Variants in SIRT4 observed in about 807,000 individuals in gnomAD.
The protein encoded by SIRT4 is sirtuin 4.
Under a neutral mutation model 26.1 loss-of-function variants are expected in SIRT4, and 23 were observed. That is an observed-to-expected ratio of 0.88 (90% CI 0.63 to 1.25). The LOEUF (loss-of-function observed/expected upper bound fraction) is 1.25, where lower values mean the gene tolerates loss of function less well. Ranked by LOEUF, SIRT4 falls within the 50% of genes most tolerant of loss-of-function variation. The pLI is 0.00. For missense variants in SIRT4, 361 were observed against 405.4 expected (o/e 0.89, Z 0.94); for synonymous variants, 155 against 158.4 (o/e 0.98, Z 0.16).
In SIRT4 at chr12:120,312,661, G is replaced by A. The variant is rs78686785; in HGVS notation, c.703G>A (p.Gly235Arg). The stretch of plus-strand genomic sequence containing the variant: ...TCTGAAACCAGATGTCGTTTTCTTC[G>A]GGGACACAGTGAACCCTGACAAGGT... ...GHLKPDVVFFGDTVNPDKVDF... is the reference protein window; with the variant it reads ...GHLKPDVVFFRDTVNPDKVDF... The change falls in exon 3 of 4, where the codon GGG (glycine) becomes AGG (arginine). Residue 235 changes from glycine (G) to arginine (R), a missense_variant. Physicochemically the swap from Gly to Arg is moderately radical, Grantham distance 125. Coordinates refer to ENST00000202967, the MANE Select transcript of SIRT4 (RefSeq NM_012240.3). The A allele has an allele frequency of 3.7e-4, 594 of 1,614,070 alleles. 5 individuals are homozygous for A. In the East Asian group the frequency reaches 0.013, roughly 34 times the overall value.
chr12:120,311,842 C>T (rs1271821554), intron 2 of SIRT4, among the ~76,000 whole-genome samples: 2 of 148,914 alleles, frequency 1.3e-5, no homozygotes, highest in Non-Finnish European at 3.0e-5. Context: ...TGGTAATAGA[C>T]AGTGGCAAAT....
chr12:120,307,036 A>T (rs1366866486), intron 2 of SIRT4, among the ~76,000 whole-genome samples: 1 of 152,170 alleles, frequency 6.6e-6, no homozygotes, highest in East Asian at 1.9e-4. Flanking sequence ...AATTGTAGCT[A>T]ATTGGAGACT....
chr12:120,296,993 G>C, the SIRT4 span, among the ~76,000 whole-genome samples: 1 of 150,918 alleles, frequency 6.6e-6, no homozygotes, highest in African/African-American at 2.4e-5. Flanking sequence ...GGGAGGCCGA[G>C]GCGGGTGGAT....
chr12:120,292,884 A>G, the SIRT4 span, among the ~76,000 whole-genome samples: 1 of 152,318 alleles, frequency 6.6e-6, no homozygotes, highest in African/African-American at 2.4e-5. Flanking sequence ...TTTTACCTTA[A>G]AAGTAGAGAT....
chr12:120,310,298 G>A (rs1435010531), intron 2 of SIRT4, among the ~76,000 whole-genome samples: 2 of 151,966 alleles, frequency 1.3e-5, no homozygotes, highest in African/African-American at 4.8e-5. Flanking sequence ...CCCAGGAGGC[G>A]GAGGTTGCAG....
chr12:120,292,701 A>G, the SIRT4 span, among the ~76,000 whole-genome samples: 1 of 150,586 alleles, frequency 6.6e-6, no homozygotes, highest in African/African-American at 2.5e-5. Context: ...CAAAATCAGC[A>G]ACTCCAACTT....
At chr12:120,304,151 T>C in intron 2 of SIRT4, 93 bp downstream of exon 2, 1 of 1,458,584 alleles carries the variant, frequency 6.9e-7, no homozygotes, top group South Asian at 1.4e-5. Flanking sequence ...GTCTTAGACC[T>C]TGAGAAAAGG....
intron 2 of SIRT4, among the ~76,000 whole-genome samples, chr12:120,309,825 C>T (rs1486512734): frequency 6.6e-6 from 1 of 150,478 alleles, no homozygotes; most frequent in Non-Finnish European, 1.5e-5. Flanking sequence ...AAGCAATTCT[C>T]CTGTCTCAAC....
chr12:120,296,091 A>C, the SIRT4 span, among the ~76,000 whole-genome samples: 2 of 134,786 alleles, frequency 1.5e-5, no homozygotes, highest in African/African-American at 5.1e-5. Flanking sequence ...CGTCTCAAAA[A>C]AAAAAAAAAA....
chr12:120,298,322 G>A (rs1221236266), upstream of SIRT4, among the ~76,000 whole-genome samples: 9 of 150,460 alleles, frequency 6.0e-5, no homozygotes, highest in Non-Finnish European at 1.3e-4. Context: ...AAGTTAAAAA[G>A]AATCGGCCAG....
chr12:120,301,310 A>C (rs1456912937), upstream of SIRT4, among the ~76,000 whole-genome samples: 1 of 152,202 alleles, frequency 6.6e-6, no homozygotes, highest in Non-Finnish European at 1.5e-5. Context: ...GCACCATTGC[A>C]CTCCAGCCTG....
upstream of SIRT4, among the ~76,000 whole-genome samples, chr12:120,299,199 C>G (rs2136822302): frequency 6.7e-6 from 1 of 148,786 alleles, no homozygotes; most frequent in African/African-American, 2.5e-5. Flanking sequence ...CCAGCCTGGG[C>G]GACAGAGCGA....
intron 2 of SIRT4, among the ~76,000 whole-genome samples, chr12:120,307,412 A>G (rs1872782451): frequency 6.6e-6 from 1 of 150,678 alleles, no homozygotes; most frequent in African/African-American, 2.4e-5. Flanking sequence ...TTGCATGAAC[A>G]TGGGTGGCAG....
chr12:120,293,179 A>T, the SIRT4 span: 1 of 152,194 alleles, frequency 6.6e-6, no homozygotes, highest in Non-Finnish European at 1.5e-5. Context: ...GTTTTCAATT[A>T]GCAATAATCG....
At chr12:120,298,908 A>AAAATAAATAAATAAATAAAT (rs34954726), upstream of SIRT4, among the ~76,000 whole-genome samples, 3 of 127,492 alleles carry the variant, frequency 2.4e-5, no homozygotes, top group Non-Finnish European at 3.2e-5. Context: ...TCCGTCTCAA[A>AAAATAAATAAATAAATAAAT]AAATAAATAA....
upstream of SIRT4, among the ~76,000 whole-genome samples, chr12:120,297,316 CAAAAAAAA>C (rs56259520): frequency 2.7e-4 from 18 of 67,658 alleles, no homozygotes; most frequent in South Asian, 7.1e-4. Context: ...CGCCTGTAAT[CAAAAAAAA>C]AAAAAAAAAA....
At chr12:120,301,362 C>CA (rs1475845774), upstream of SIRT4, among the ~76,000 whole-genome samples, 3 of 25,826 alleles carry the variant, frequency 1.2e-4, no homozygotes, top group Non-Finnish European at 5.9e-4. Flanking sequence ...AACAAACAAA[C>CA]AACAACAACA....
intron 2 of SIRT4, among the ~76,000 whole-genome samples, chr12:120,306,006 C>T (rs1202318343): frequency 6.3e-4 from 92 of 147,074 alleles, no homozygotes; most frequent in African/African-American, 2.1e-3. Flanking sequence ...AGCGAGACTC[C>T]GTCTCAAAAA....
Position 120,303,746 on chromosome 12 carries a change from G to C in SIRT4, c.185G>C (p.Gly62Ala). 1 of 1,614,078 alleles carries C rather than the reference G, an allele frequency of 6.2e-7. No homozygotes were observed. Among genetic ancestry groups the C allele is most frequent in the East Asian group, 2.2e-5 (1 of 44,880 alleles). Residue 62 changes from glycine (G) to alanine (A), a missense_variant, in exon 2 of 4, where the codon GGG (glycine) becomes GCG (alanine). By Grantham distance (60) the Gly-to-Ala change is moderately conservative (BLOSUM62 0). Coordinates refer to ENST00000202967, the MANE Select transcript of SIRT4 (RefSeq NM_012240.3). Reference protein sequence around the residue: ...TLSKRLLVMTGAGISTESGIP... With the variant: ...TLSKRLLVMTAAGISTESGIP... ...TCCAAGAGACTCCTTGTGATGACTG[G>C]GGCAGGAATCTCCACCGAATCGGGG...
Sources: allele counts gnomAD v4.1 joint callset (sites outside exome capture counted in the v4.1 genomes callset), GRCh38; gene constraint gnomAD v4.1.1; transcripts MANE v1.5; gene names NCBI Gene and HGNC (gene_info 2026-07-23, HGNC 2026-07-21).